The following MYL10 variants were observed in gnomAD, a reference collection of about 807,000 sequenced individuals.
MYL10 encodes myosin light chain 10.
In MYL10, 18 loss-of-function variants were observed where a neutral mutation model predicts 21.9. The observed-to-expected ratio is 0.82, with a 90% CI of 0.57 to 1.22. MYL10 has a LOEUF of 1.22. Ranked by LOEUF, MYL10 falls within the 50% of genes most tolerant of loss-of-function variation. MYL10 has a pLI of 0.00. For missense variants in MYL10, 225 were observed against 230.4 expected (o/e 0.98, Z 0.15); for synonymous variants, 88 against 82.8 (o/e 1.06, Z -0.34).
rs78656774 is a variant in MYL10, at chr7:101,625,046, A to G, written c.79-782T>C. 1.5e-3 allele frequency among the ~76,000 whole-genome samples: 234 copies of G among 152,068 alleles called. 4 individuals carry two copies. The East Asian group carries it at 0.041, about 27-fold the overall frequency. On this transcript the variant is annotated intron_variant, in intron 1 of 7. Coordinates refer to ENST00000223167, the MANE Select transcript of MYL10 (RefSeq NM_138403.5). ...AGTGGACATCTCAGGGGTAAAACCCACTTTGCCCCATCTCTGATCTCTCCT... is the reference window on the plus strand; with the variant it reads ...AGTGGACATCTCAGGGGTAAAACCCGCTTTGCCCCATCTCTGATCTCTCCT...
Position 101,626,932 on chromosome 7 carries a change from A to G in MYL10, c.78+2109T>C, listed in dbSNP as rs112962002. On this transcript the variant is annotated intron_variant, in intron 1 of 7. Transcript: ENST00000223167. ...GTCAGGAAGGTCAGTGAGAGGCAGG[A>G]TGAATTCAGGCAGGAGGTGAAGGTC... 3.5e-3 allele frequency among the ~76,000 whole-genome samples: 534 copies of G among 152,296 alleles called. 5 individuals carry two copies. The highest frequency in any genetic ancestry group is 0.012 in the African/African-American group (498 of 41,562).
chr7:101,616,649 G>A (rs1796612916), intron 5 of MYL10, among the ~76,000 whole-genome samples: 1 of 152,252 alleles, frequency 6.6e-6, no homozygotes, highest in Non-Finnish European at 1.5e-5. Context: ...GAGAAGTTAA[G>A]TGACTTGCCC....
At position 101,624,209 on chromosome 7, in the gene MYL10, G is replaced by A. The variant is rs377721255; in HGVS notation, c.134C>T (p.Ser45Phe). The A allele has an allele frequency of 1.9e-6, 3 of 1,613,672 alleles. No individual in the cohort carries two copies. The African/African-American group carries it at 4.0e-5, about 22-fold the overall frequency. Reference protein sequence around the residue: ...AEGTASSNVFSMFDQSQIQEF... With the variant: ...AEGTASSNVFFMFDQSQIQEF... ...CTGGATCTGGGACTGATCAAACATG[G>A]AGAAGACGTTGGAGCTGGCGGTGCC... The change falls in exon 2 of 8, where the codon TCC becomes TTC. Residue 45 changes from serine to phenylalanine, a missense_variant. Transcript: ENST00000223167.
intron 3 of MYL10, among the ~76,000 whole-genome samples, chr7:101,623,446 G>A (rs1796704373): frequency 6.6e-6 from 1 of 152,222 alleles, no homozygotes; most frequent in Non-Finnish European, 1.5e-5. Flanking sequence ...TGCAGTCCCA[G>A]CAATTTGGGA....
chr7:101,623,340 C>T (rs1450056721), intron 3 of MYL10, among the ~76,000 whole-genome samples: 8 of 152,214 alleles, frequency 5.3e-5, no homozygotes, highest in African/African-American at 1.9e-4. Context: ...GACAAAGAGG[C>T]TGCCTGAGGG....
At position 101,623,035 on chromosome 7, in the gene MYL10, A is replaced by C. The variant is rs1430253190; in HGVS notation, c.311T>G (p.Ile104Ser). 6.2e-7 allele frequency: 1 copy of C among 1,613,994 alleles called. No homozygotes were observed. ...TIMDQNRDGF[I>S]DKEDLRDTFA... ...GGTGTCCCTCAAGTCCTCTTTGTCGATGAAGCCATCACGGTTCTGGTCCAT... is the reference window on the plus strand; with the variant it reads ...GGTGTCCCTCAAGTCCTCTTTGTCGCTGAAGCCATCACGGTTCTGGTCCAT... The change falls in exon 4 of 8, where the codon ATC becomes AGC. Residue 104 changes from isoleucine (I) to serine (S), a missense_variant. Physicochemically the swap from Ile to Ser is moderately radical, Grantham distance 142. Coordinates refer to ENST00000223167, the MANE Select transcript of MYL10 (RefSeq NM_138403.5).
At position 101,613,351 on chromosome 7, in the gene MYL10, T is replaced by G. The variant is rs530680276; in HGVS notation, c.*124A>C. ...CAGACCTCATTAGCATTATTTATTC[T>G]TGCTTTGTCCCCAACCGTAGGACAA... On this transcript the variant is annotated 3_prime_UTR_variant, in exon 8 of 8. Transcript: ENST00000223167. 3.4e-5 allele frequency: 25 copies of G among 735,070 alleles called. 1 individual carries two copies. In the African/African-American group the frequency reaches 4.3e-4, roughly 13 times the overall value. The allele number at this position is 735,070 out of a possible 1,614,324, so 45.5% of individuals were successfully genotyped here.
intron 5 of MYL10, among the ~76,000 whole-genome samples, chr7:101,619,656 G>A (rs1369089846): frequency 6.6e-6 from 1 of 152,100 alleles, no homozygotes; most frequent in East Asian, 1.9e-4. Flanking sequence ...TTGGGAGGCC[G>A]AGGAAGGCGG....
intron 5 of MYL10, among the ~76,000 whole-genome samples, chr7:101,620,345 A>G (rs530925215): frequency 6.6e-6 from 1 of 152,124 alleles, no homozygotes; most frequent in African/African-American, 2.4e-5. Flanking sequence ...CAAAATAAAC[A>G]AAGAGGCAGG....
rs539310934 is a variant in MYL10 at position 101,615,324 on chromosome 7, G to A, written c.533+896C>T. ...CATCTCGACGGCCATGACCCTCCTG[G>A]GAGCTGCAACCCTCTCCTCTCCTTC... On this transcript the variant is annotated intron_variant, in intron 6 of 7. Transcript: ENST00000223167. 1.1e-3 allele frequency among the ~76,000 whole-genome samples: 167 copies of A among 151,958 alleles called. 1 individual carries two copies. The highest frequency in any genetic ancestry group is 2.0e-3 in the Non-Finnish European group (139 of 67,954).
At chr7:101,619,492 C>T (rs890060915) in intron 5 of MYL10, among the ~76,000 whole-genome samples, 1 of 152,254 alleles carries the variant, frequency 6.6e-6, no homozygotes, top group Non-Finnish European at 1.5e-5. Flanking sequence ...CTCTACCCCA[C>T]AGCAGGTCAC....
chr7:101,621,105 A>G (rs886191254), intron 5 of MYL10, among the ~76,000 whole-genome samples: 4 of 151,710 alleles, frequency 2.6e-5, no homozygotes, highest in African/African-American at 7.3e-5. Flanking sequence ...CTTCCTTCTG[A>G]CCACGGAACC....
Position 101,624,253 on chromosome 7 carries a change from T to A in MYL10, c.90A>T (p.Arg30Ser). The A allele has an allele frequency of 6.2e-7, 1 of 1,613,186 alleles. No individual in the cohort carries two copies. Among genetic ancestry groups the A allele is most frequent in the Non-Finnish European group, 8.5e-7 (1 of 1,179,688 alleles). Residue 30 changes from arginine to serine, a missense_variant, in exon 2 of 8, where the codon AGA becomes AGT. Physicochemically the swap from Arg to Ser is moderately radical, Grantham distance 110 (BLOSUM62 -1). Transcript: ENST00000223167. ...CGGTGCCTTCTGCTCTTTTCCGAGC[T>A]CTTCTCGGTGCCTGCGAGGTAGCAG... ...PKVLGLQAPR[R>S]ARKRAEGTAS...
At chr7:101,623,376 G>A (rs1378119025) in intron 3 of MYL10, among the ~76,000 whole-genome samples, 1 of 152,194 alleles carries the variant, frequency 6.6e-6, no homozygotes, top group East Asian at 1.9e-4. Context: ...CCAGGCTCTG[G>A]GCCATGGCCA....
At chr7:101,627,248 G>A (rs957535374) in intron 1 of MYL10, among the ~76,000 whole-genome samples, 3 of 151,452 alleles carry the variant, frequency 2.0e-5, no homozygotes, top group African/African-American at 2.4e-5. Context: ...GCAGTGAGCC[G>A]AGATCGAGCC....
chr7:101,628,866 T>TAAG (rs1351525741), intron 1 of MYL10, among the ~76,000 whole-genome samples, 175 bp downstream of exon 1: 2 of 152,170 alleles, frequency 1.3e-5, no homozygotes, highest in African/African-American at 4.8e-5. Context: ...ATAATAATAA[T>TAAG]AAGAAGAGCA....
intron 6 of MYL10, among the ~76,000 whole-genome samples, chr7:101,615,404 C>T (rs1299243803): frequency 6.6e-6 from 1 of 151,668 alleles, no homozygotes; most frequent in Non-Finnish European, 1.5e-5. Flanking sequence ...TTCTCCCATG[C>T]TCCCAGGGCA....
At chr7:101,620,685 G>A (rs1417122355) in intron 5 of MYL10, among the ~76,000 whole-genome samples, 1 of 152,148 alleles carries the variant, frequency 6.6e-6, no homozygotes, top group East Asian at 1.9e-4. Flanking sequence ...GCCAAGGCAG[G>A]GGGTTCAAGG....
intron 5 of MYL10, among the ~76,000 whole-genome samples, chr7:101,619,680 G>A (rs1188577583): frequency 6.6e-6 from 1 of 152,042 alleles, no homozygotes; most frequent in Non-Finnish European, 1.5e-5. Flanking sequence ...ACGAGGTCAG[G>A]AGATCGAGAC....
Sources: allele counts gnomAD v4.1 joint callset (sites outside exome capture counted in the v4.1 genomes callset), GRCh38; gene constraint gnomAD v4.1.1; transcripts MANE v1.5; gene names NCBI Gene and HGNC (gene_info 2026-07-23, HGNC 2026-07-21).